The following ZNF544 variants were observed in gnomAD, a reference collection of about 807,000 sequenced individuals.
The protein encoded by ZNF544 is zinc finger protein 544.
Under a neutral mutation model 13.5 loss-of-function variants are expected in ZNF544, and 10 were observed. The observed-to-expected ratio is 0.74, with a 90% confidence interval of 0.46 to 1.25. The LOEUF is 1.25. ZNF544 is among the 50% of genes most tolerant of loss of function. The probability of loss-of-function intolerance (pLI) is 0.00; values close to 1 mark genes in which losing one functional copy is unlikely to be tolerated. For missense variants in ZNF544, 896 were observed against 845.6 expected (o/e 1.06, Z -0.74); for synonymous variants, 323 against 300.5 (o/e 1.07, Z -0.77).
intron 6 of ZNF544, among the ~76,000 whole-genome samples, chr19:58,276,808 G>A (rs992277229): frequency 3.9e-5 from 6 of 152,202 alleles, no homozygotes; most frequent in African/African-American, 9.6e-5. Flanking sequence ...GTTAAAGATC[G>A]AATTGGCTTT....
chr19:58,274,083 C>T (rs575445663), intron 5 of ZNF544, among the ~76,000 whole-genome samples: 16 of 152,168 alleles, frequency 1.1e-4, no homozygotes, highest in South Asian at 6.2e-4. Context: ...TGTGAGCCAC[C>T]GTGCCCGGCT....
rs2147103482 is a variant in ZNF544 at position 58,246,709 on chromosome 19, A to G, written c.161-2A>G. The G allele has an allele frequency of 6.2e-7, 1 of 1,614,002 alleles. No homozygotes were observed. The highest frequency in any genetic ancestry group is 8.5e-7 in the Non-Finnish European group (1 of 1,179,950). On this transcript the variant is annotated splice_acceptor_variant, in intron 5 of 6. Coordinates refer to ENST00000687789, the MANE Select transcript of ZNF544 (RefSeq NM_014480.4). LOFTEE classifies it high-confidence loss of function. The stretch of plus-strand genomic sequence containing the variant: ...GCAAGTCCTTTTTCCGTCTTTGACC[A>G]GGGCTTTTCCTTTCCAAATCTGATG...
In ZNF544 at chr19:58,262,074, A is replaced by G. The variant is rs778670706; in HGVS notation, c.1468A>G (p.Lys490Glu). ...ACATAAAAGAACGCACACTGGAGAAAAACCCTTCAAATGTACTCAGTGTGG... is the reference window on the plus strand; with the variant it reads ...ACATAAAAGAACGCACACTGGAGAAGAACCCTTCAAATGTACTCAGTGTGG... ...VTHKRTHTGE[K>E]PFKCTQCGKS... is the part of the protein sequence containing the mutation. The change falls in exon 7 of 7, where the codon AAA (lysine) becomes GAA (glutamate). Residue 490 changes from lysine (K) to glutamate (E), a missense_variant. By Grantham distance (56) the Lys-to-Glu change is moderately conservative. Coordinates refer to ENST00000687789, the MANE Select transcript of ZNF544 (RefSeq NM_014480.4). 20 of 1,611,014 alleles carry G rather than the reference A, an allele frequency of 1.2e-5. No homozygotes were observed. The highest frequency in any genetic ancestry group is 1.7e-5 in the Non-Finnish European group (20 of 1,179,462).
intron 3 of ZNF544, among the ~76,000 whole-genome samples, chr19:58,237,292 C>G (rs942643925): frequency 6.6e-6 from 1 of 152,014 alleles, no homozygotes; most frequent in Non-Finnish European, 1.5e-5. Context: ...TTGATCTCCT[C>G]GGCTCAAGCA....
intron 6 of ZNF544, among the ~76,000 whole-genome samples, chr19:58,251,559 G>T (rs1462720847): frequency 6.6e-6 from 1 of 152,194 alleles, no homozygotes; most frequent in Non-Finnish European, 1.5e-5. Context: ...TTTTGGGTTG[G>T]TGGTTAGTTC....
chr19:58,273,836 G>GC (rs1365365423), intron 5 of ZNF544, among the ~76,000 whole-genome samples: 1 of 150,890 alleles, frequency 6.6e-6, no homozygotes, highest in African/African-American at 2.4e-5. Context: ...TTGCTCTGCC[G>GC]CCAGGCTGGA....
intron 2 of ZNF544, 93 bp downstream of exon 2, chr19:58,229,663 T>TC (rs2040780664): frequency 6.6e-6 from 1 of 152,284 alleles, no homozygotes. Context: ...GTAACTGGGG[T>TC]GTTGGGGGCC....
intron 6 of ZNF544, 114 bp from the exon 7 acceptor site, chr19:58,260,730 CAGTTTGT>C: frequency 1.1e-6 from 1 of 921,282 alleles, no homozygotes; most frequent in Non-Finnish European, 1.6e-6. Context: ...ATACGGATTA[CAGTTTGT>C]AGTTTGGAAA....
intron 4 of ZNF544, 54 bp from the exon 5 acceptor site, chr19:58,246,247 C>A (rs570419984): frequency 1.9e-6 from 3 of 1,611,408 alleles, no homozygotes; most frequent in African/African-American, 1.3e-5. Flanking sequence ...CAGGTACCTC[C>A]GTGAGGGCAT....
intron 3 of ZNF544, among the ~76,000 whole-genome samples, chr19:58,236,759 T>A (rs1368484937): frequency 1.3e-5 from 2 of 150,640 alleles, no homozygotes; most frequent in Non-Finnish European, 2.9e-5. Context: ...TTTTTTTTTT[T>A]AAGACAGAGT....
downstream of ZNF544, among the ~76,000 whole-genome samples, chr19:58,268,324 A>T (rs2050196756): frequency 6.6e-6 from 1 of 152,188 alleles, no homozygotes; most frequent in African/African-American, 2.4e-5. Flanking sequence ...TAAAAATAAA[A>T]AATAAGATAC....
chr19:58,242,071 G>A lies in ZNF544; in HGVS notation c.-59-1894G>A, dbSNP rs571413130. On this transcript the variant is annotated intron_variant, in intron 3 of 6. Coordinates refer to ENST00000687789, the MANE Select transcript of ZNF544 (RefSeq NM_014480.4). ...GGAGAGTATTCCTGCAGAATTCAGC[G>A]TAGGAAAGGAGGCCTCAGGCACCAG... 27 of 183,368 alleles carry A rather than the reference G, an allele frequency of 1.5e-4. 1 individual carries two copies. The South Asian group carries it at 2.6e-3, about 17-fold the overall frequency. The allele number at this position is 183,368 out of a possible 1,614,324, so 11.4% of individuals were successfully genotyped here. A position where few individuals can be genotyped will look rare whatever the true frequency, so the allele number is the denominator to read the frequency against.
chr19:58,275,103 C>T (rs1048304012), intron 5 of ZNF544, among the ~76,000 whole-genome samples: 1 of 152,040 alleles, frequency 6.6e-6, no homozygotes. Context: ...CCTCCTTTTC[C>T]AGATACCGAA....
intron 3 of ZNF544, among the ~76,000 whole-genome samples, chr19:58,240,633 G>A (rs916656724): frequency 8.6e-5 from 13 of 151,954 alleles, no homozygotes; most frequent in Admixed American, 5.2e-4. Flanking sequence ...ATTGTGATGC[G>A]CGCCTGTGAT....
intron 3 of ZNF544, among the ~76,000 whole-genome samples, chr19:58,236,502 CAAA>C (rs35110851): frequency 9.0e-4 from 96 of 106,962 alleles, no homozygotes; most frequent in Non-Finnish European, 1.4e-3. Flanking sequence ...AACTGTGTCT[CAAA>C]AAAAAAAAAA....
Position 58,261,401 on chromosome 19 carries a change from A to C in ZNF544, c.795A>C (p.Ser265=). ...TTTGTTTTCATGGTAGAACTTTTTC[A>C]GTGAAGAAAAGTGATGACTGTAAGG... ...SSLCFHGRTF[S]VKKSDDCKDY... The change falls in exon 7 of 7, where the codon TCA becomes TCC. Residue 265 remains serine (S), a synonymous_variant. Transcript: ENST00000687789. 6.2e-7 allele frequency: 1 copy of C among 1,614,158 alleles called. No individual in the cohort carries two copies. Among genetic ancestry groups the C allele is most frequent in the Non-Finnish European group, 8.5e-7 (1 of 1,180,032 alleles).
At chr19:58,237,485 T>C (rs11671874) in intron 3 of ZNF544, among the ~76,000 whole-genome samples, 22,047 of 152,220 alleles carry the variant, frequency 0.14, 2,162 homozygotes, top group Middle Eastern at 0.31. Flanking sequence ...GGCTCTGATT[T>C]CATCTTGGGG....
At chr19:58,271,324 G>A (rs2050613720) in intron 5 of ZNF544, among the ~76,000 whole-genome samples, 1 of 151,816 alleles carries the variant, frequency 6.6e-6, no homozygotes, top group Non-Finnish European at 1.5e-5. Flanking sequence ...TGGGTGCAGT[G>A]GATATGGTGG....
chr19:58,234,574 G>GA (rs1259456041), intron 3 of ZNF544, among the ~76,000 whole-genome samples: 2 of 152,224 alleles, frequency 1.3e-5, no homozygotes, highest in Non-Finnish European at 2.9e-5. Flanking sequence ...ACTGTGTTAG[G>GA]ATAGCTCAAG....
Sources: gnomAD v4.1 joint callset for allele counts (sites outside exome capture counted in the v4.1 genomes callset) on GRCh38, gnomAD v4.1.1 for gene constraint, MANE v1.5 for transcripts, NCBI Gene and HGNC (gene_info 2026-07-23, HGNC 2026-07-21) for gene names.